TBXA2R: variants seen among roughly 807,000 people sequenced by gnomAD.
The protein encoded by TBXA2R is thromboxane A2 receptor.
In TBXA2R, 15 loss-of-function variants were observed where a neutral mutation model predicts 15.6. That is an observed-to-expected ratio of 0.96 (90% CI 0.64 to 1.48). The LOEUF is 1.48. TBXA2R is among the 40% of genes most tolerant of loss of function. TBXA2R has a pLI of 0.00. For missense variants in TBXA2R, 506 were observed against 491.4 expected, an observed-to-expected ratio of 1.03 and a Z score of -0.28; for synonymous variants, 280 against 241.2, an observed-to-expected ratio of 1.16 and a Z score of -1.49.
At chr19:3,597,715 G>A (rs538833890) in intron 2 of TBXA2R, among the ~76,000 whole-genome samples, 1 of 152,066 alleles carries the variant, frequency 6.6e-6, no homozygotes, top group South Asian at 2.1e-4. Flanking sequence ...GGCAGATCAC[G>A]AGGTCAGGAG....
chr19:3,595,388 A>G lies in TBXA2R; in HGVS notation c.*300T>C, dbSNP rs2032577722. The stretch of plus-strand genomic sequence containing the variant: ...AGCAAGACTCCGTCTAAAAAAAAAA[A>G]TAGCAATGCAAGACCCTCTTCCAAT... On this transcript the variant is annotated 3_prime_UTR_variant, in exon 3 of 3. Transcript: ENST00000375190. The G allele has an allele frequency of 1.5e-6, 2 of 1,373,522 alleles. No homozygotes were observed. The highest frequency in any genetic ancestry group is 1.9e-6 in the Non-Finnish European group (2 of 1,069,288). The allele number at this position is 1,373,522 out of a possible 1,614,324, so 85.1% of individuals were successfully genotyped here.
Position 3,599,970 on chromosome 19 carries a change from A to T in TBXA2R, c.665T>A (p.Leu222Gln). The change falls in exon 2 of 3, where the codon CTG (leucine) becomes CAG (glutamine). Residue 222 changes from leucine (L) to glutamine (Q), a missense_variant. By Grantham distance (113) the Leu-to-Gln change is moderately radical. Coordinates refer to ENST00000375190, the MANE Select transcript of TBXA2R (RefSeq NM_001060.6). ...FLLNTVSVATLCHVYHGQEAA... is the reference protein window; with the variant it reads ...FLLNTVSVATQCHVYHGQEAA... ...CTCCTGCCCGTGGTAGACGTGGCAC[A>T]GGGTGGCCACGCTGACCGTGTTCAG... 6.3e-7 allele frequency: 1 copy of T among 1,593,548 alleles called. No homozygotes were observed. Among genetic ancestry groups the T allele is most frequent in the Non-Finnish European group, 8.5e-7 (1 of 1,171,246 alleles).
At chr19:3,596,757 A>AT in intron 2 of TBXA2R, among the ~76,000 whole-genome samples, 3 of 137,254 alleles carry the variant, frequency 2.2e-5, no homozygotes, top group East Asian at 4.8e-4. Context: ...AATTTTTTGT[A>AT]TTTTTAGTAG....
At position 3,596,347 on chromosome 19, in the gene TBXA2R, T is replaced by G. The variant is rs2032604748; in HGVS notation, c.787-414A>C. Reference sequence around the variant, plus strand: ...GCCCGGCCAGTGTCCACTCTGTTACTGCATTGCTGGGTGACCTCAGGAGAG... The same window carrying G: ...GCCCGGCCAGTGTCCACTCTGTTACGGCATTGCTGGGTGACCTCAGGAGAG... On this transcript the variant is annotated intron_variant, in intron 2 of 2. Coordinates refer to ENST00000375190, the MANE Select transcript of TBXA2R (RefSeq NM_001060.6). Among the ~76,000 whole-genome samples, 3 of 152,192 alleles carry G rather than the reference T, an allele frequency of 2.0e-5. No homozygotes were observed. The South Asian group carries it at 6.2e-4, about 32-fold the overall frequency.
intron 2 of TBXA2R, among the ~76,000 whole-genome samples, chr19:3,596,521 CAT>C (rs1286794852): frequency 6.6e-6 from 1 of 152,036 alleles, no homozygotes; most frequent in Non-Finnish European, 1.5e-5. Flanking sequence ...GCCTGGGGAA[CAT>C]AGTGAGACCT....
At chr19:3,603,946 C>T (rs986148314) in intron 1 of TBXA2R, among the ~76,000 whole-genome samples, 3 of 152,274 alleles carry the variant, frequency 2.0e-5, no homozygotes, top group African/African-American at 7.2e-5. Flanking sequence ...AGCAGCACTG[C>T]GGCTCTTGGG....
rs1403327051 is a variant in TBXA2R at position 3,600,836 on chromosome 19, T to TGTTTTTG, written c.-83-120_-83-119insCAAAAAC. The TGTTTTTG allele has an allele frequency of 7.1e-4, 437 of 615,084 alleles. 6 individuals carry two copies. The African/African-American group carries it at 8.1e-3, about 11-fold the overall frequency. The allele number at this position is 615,084 out of a possible 1,614,324, so 38.1% of individuals were successfully genotyped here. ...CAAATATCCTCTCCGGTTTTTTTTT[T>TGTTTTTG]TTTTTTTTTTGAGACAGAGTCTTGC... On this transcript the variant is annotated intron_variant, in intron 1 of 2. Transcript: ENST00000375190.
intron 1 of TBXA2R, among the ~76,000 whole-genome samples, chr19:3,603,600 C>A (rs1555707428): frequency 1.3e-5 from 2 of 152,184 alleles, no homozygotes; most frequent in Non-Finnish European, 1.5e-5. Context: ...GAGCAACTTC[C>A]AGTCCCTCCT....
chr19:3,603,366 G>C (rs2032774131), intron 1 of TBXA2R, among the ~76,000 whole-genome samples: 1 of 152,228 alleles, frequency 6.6e-6, no homozygotes, highest in African/African-American at 2.4e-5. Context: ...AGGGCTTCCA[G>C]AGGAGAAACT....
At chr19:3,603,578 G>A (rs1029225076) in intron 1 of TBXA2R, among the ~76,000 whole-genome samples, 3 of 152,158 alleles carry the variant, frequency 2.0e-5, no homozygotes, top group Non-Finnish European at 4.4e-5. Context: ...CCACTGACCC[G>A]ACCTCTGCCT....
At position 3,595,704 on chromosome 19, in the gene TBXA2R, C is replaced by A; in HGVS notation, c.1016G>T (p.Arg339Leu). The change falls in exon 3 of 3, where the codon CGC becomes CTC. Residue 339 changes from arginine (R) to leucine (L), a missense_variant. Physicochemically the swap from Arg to Leu is moderately radical, Grantham distance 102. Transcript: ENST00000375190. Reference sequence around the variant, plus strand: ...GTCCACTTCCTACTGCAGCCCGGAGCGCTGCGTGAGCTGGGGCTGGAGGGA... The same window carrying A: ...GTCCACTTCCTACTGCAGCCCGGAGAGCTGCGTGAGCTGGGGCTGGAGGGA... ...SLSLQPQLTQRSGLQ is the reference protein window; with the variant it reads ...SLSLQPQLTQLSGLQ The A allele has an allele frequency of 6.3e-7, 1 of 1,590,656 alleles. No individual in the cohort carries two copies. The highest frequency in any genetic ancestry group is 8.6e-7 in the Non-Finnish European group (1 of 1,169,528).
rs200765364 is a variant in TBXA2R, at chr19:3,595,721, C to A, written c.999G>T (p.Gln333His). The stretch of plus-strand genomic sequence containing the variant: ...GCCCGGAGCGCTGCGTGAGCTGGGG[C>A]TGGAGGGACAGCGACCTGGGCCGGG... ...LSTRPRSLSL[Q>H]PQLTQRSGLQ The change falls in exon 3 of 3, where the codon CAG (glutamine) becomes CAT (histidine). Residue 333 changes from glutamine (Q) to histidine (H), a missense_variant. Physicochemically the swap from Gln to His is conservative, Grantham distance 24 (BLOSUM62 0). Coordinates refer to ENST00000375190, the MANE Select transcript of TBXA2R (RefSeq NM_001060.6). 7.9e-5 allele frequency: 126 copies of A among 1,599,174 alleles called. No individual in the cohort carries two copies. Among genetic ancestry groups the A allele is most frequent in the Non-Finnish European group, 1.0e-4 (123 of 1,173,840 alleles).
chr19:3,602,577 T>C lies in TBXA2R; in HGVS notation c.-83-1860A>G, dbSNP rs78432712. 2.3e-3 allele frequency among the ~76,000 whole-genome samples: 349 copies of C among 151,320 alleles called. 1 individual carries two copies. The highest frequency in any genetic ancestry group is 8.1e-3 in the African/African-American group (335 of 41,254). ...CATGGTGAAACCGCATCTCAACTAA[T>C]AAAAATACAAAAATTAGCCGGGTGT... On this transcript the variant is annotated intron_variant, in intron 1 of 2. Transcript: ENST00000375190.
At chr19:3,598,345 C>CTTTTTTTTTTTTTTTTTTTTTTTT (rs1300020033) in intron 2 of TBXA2R, among the ~76,000 whole-genome samples, 5 of 115,390 alleles carry the variant, frequency 4.3e-5, no homozygotes, top group African/African-American at 1.8e-4. Context: ...TCTTTCTTTT[C>CTTTTTTTTTTTTTTTTTTTTTTTT]TTTTCTTTTT....
chr19:3,595,844 G>T lies in TBXA2R; in HGVS notation c.876C>A (p.Ile292=), dbSNP rs199922732. The part of the protein sequence containing the change: ...LSRTTEKELL[I]YLRVATWNQI... ...GGTTCCAGGTGGCCACGCGCAAGTA[G>T]ATGAGCAGCTCCTTCTCCGTGGTGC... Residue 292 remains isoleucine (I), a synonymous_variant, in exon 3 of 3, where the codon ATC becomes ATA. Transcript: ENST00000375190. 2 of 1,611,728 alleles carry T rather than the reference G, an allele frequency of 1.2e-6. No individual in the cohort carries two copies. Among genetic ancestry groups the T allele is most frequent in the East Asian group, 4.5e-5 (2 of 44,842 alleles).
At chr19:3,605,570 G>A (rs2032815276) in intron 1 of TBXA2R, among the ~76,000 whole-genome samples, 1 of 150,248 alleles carries the variant, frequency 6.7e-6, no homozygotes, top group Non-Finnish European at 1.5e-5. Flanking sequence ...CACACATACA[G>A]AAACATGGCA....
Position 3,595,481 on chromosome 19 carries a change from G to C in TBXA2R, c.*207C>G. The C allele has an allele frequency of 7.0e-7, 1 of 1,423,178 alleles. No homozygotes were observed. The highest frequency in any genetic ancestry group is 9.1e-7 in the Non-Finnish European group (1 of 1,092,956). The allele number at this position is 1,423,178 out of a possible 1,614,324, so 88.2% of individuals were successfully genotyped here. Reference sequence around the variant, plus strand: ...GGTGGGAGCTCTGGATGGGAAAAAGGGGCCGAGGAAGGGAGAGTGCTTGGT... The same window carrying C: ...GGTGGGAGCTCTGGATGGGAAAAAGCGGCCGAGGAAGGGAGAGTGCTTGGT... On this transcript the variant is annotated 3_prime_UTR_variant, in exon 3 of 3. Coordinates refer to ENST00000375190, the MANE Select transcript of TBXA2R (RefSeq NM_001060.6).
At chr19:3,602,443 AGGTCCTATTAC>A (rs1409422013) in intron 1 of TBXA2R, among the ~76,000 whole-genome samples, 3 of 151,956 alleles carry the variant, frequency 2.0e-5, no homozygotes, top group Non-Finnish European at 4.4e-5. Flanking sequence ...AAGGCTCAAA[AGGTCCTATTAC>A]GGTCAGGCGT....
chr19:3,600,439 A>C lies in TBXA2R; in HGVS notation c.196T>G (p.Phe66Val). The C allele has an allele frequency of 6.2e-7, 1 of 1,613,174 alleles. No homozygotes were observed. Among genetic ancestry groups the C allele is most frequent in the Non-Finnish European group, 8.5e-7 (1 of 1,179,692 alleles). ...GSHTRSSFLTFLCGLVLTDFL... is the reference protein window; with the variant it reads ...GSHTRSSFLTVLCGLVLTDFL... ...TCGGTGAGGACGAGGCCGCAGAGGA[A>C]GGTGAGGAAGGAGGAGCGCGTGTGC... The change falls in exon 2 of 3, where the codon TTC becomes GTC. Residue 66 changes from phenylalanine to valine, a missense_variant. By Grantham distance (50) the Phe-to-Val change is conservative. Coordinates refer to ENST00000375190, the MANE Select transcript of TBXA2R (RefSeq NM_001060.6).
Sources: allele counts gnomAD v4.1 joint callset (sites outside exome capture counted in the v4.1 genomes callset), GRCh38; gene constraint gnomAD v4.1.1; transcripts MANE v1.5; gene names NCBI Gene and HGNC (gene_info 2026-07-23, HGNC 2026-07-21).